Variants in GPR89A observed in about 807,000 individuals in gnomAD.
The protein encoded by GPR89A is golgi pH regulator A.
In GPR89A, 16 loss-of-function variants were observed where a neutral mutation model predicts 52.0. The observed-to-expected ratio is 0.31, with a 90% CI of 0.21 to 0.47. GPR89A has a LOEUF of 0.47. GPR89A is among the 20% of genes least tolerant of loss of function. The pLI is 1.00. For synonymous variants in GPR89A, 55 were observed against 150.9 expected (o/e 0.36, Z 4.66); for missense variants, 135 against 449.4 (o/e 0.30, Z 6.33).
chr1:145,659,659 T>C (rs1275245184), intron 10 of GPR89A, among the ~76,000 whole-genome samples: 1 of 135,742 alleles, frequency 7.4e-6, no homozygotes, highest in Non-Finnish European at 1.5e-5. Context: ...AGTACCATGC[T>C]GTTTTGGTTA....
chr1:145,616,186 T>C (rs782073617), intron 1 of GPR89A, 48 bp from the exon 2 acceptor site: 1 of 1,427,018 alleles, frequency 7.0e-7, no homozygotes, highest in South Asian at 1.2e-5. Flanking sequence ...TATAAAACAT[T>C]TCTCAAAAGA....
intron 7 of GPR89A, among the ~76,000 whole-genome samples, chr1:145,637,638 C>T (rs1553691071): frequency 6.7e-6 from 1 of 149,360 alleles, no homozygotes; most frequent in Non-Finnish European, 1.5e-5. Context: ...CCAATAGATA[C>T]TAACTCCAAG....
chr1:145,628,708 C>G, intron 5 of GPR89A, among the ~76,000 whole-genome samples: 1 of 152,266 alleles, frequency 6.6e-6, no homozygotes, highest in African/African-American at 2.4e-5. Context: ...GTGAATATTA[C>G]CTATTGCCAT....
chr1:145,610,050 C>T (rs116601412), intron 1 of GPR89A, among the ~76,000 whole-genome samples: 6,622 of 152,118 alleles, frequency 0.044, 497 homozygotes, highest in African/African-American at 0.15. Flanking sequence ...TGTTATCTGT[C>T]CATGAGGTCC....
intron 1 of GPR89A, among the ~76,000 whole-genome samples, chr1:145,611,028 A>G (rs1648232487): frequency 6.6e-6 from 1 of 152,140 alleles, no homozygotes; most frequent in Non-Finnish European, 1.5e-5. Flanking sequence ...CATTTTTAAT[A>G]AGAAGCTATA....
At chr1:145,614,800 A>T (rs1648546633) in intron 1 of GPR89A, among the ~76,000 whole-genome samples, 1 of 152,146 alleles carries the variant, frequency 6.6e-6, no homozygotes, top group East Asian at 1.9e-4. Flanking sequence ...CATAACTGGG[A>T]GAGGGCTAGA....
chr1:145,629,672 C>T (rs1371508398), intron 5 of GPR89A, among the ~76,000 whole-genome samples: 1 of 151,830 alleles, frequency 6.6e-6, no homozygotes, highest in Non-Finnish European at 1.5e-5. Context: ...ATTAGCGCTT[C>T]AGAAGGAAGA....
At chr1:145,612,839 C>T (rs1648397973) in intron 1 of GPR89A, among the ~76,000 whole-genome samples, 1 of 151,990 alleles carries the variant, frequency 6.6e-6, no homozygotes. Flanking sequence ...CTAATGTTTT[C>T]TTTTTTTCTC....
chr1:145,638,982 A>G (rs1172916427), intron 7 of GPR89A, among the ~76,000 whole-genome samples: 5 of 149,836 alleles, frequency 3.3e-5, no homozygotes, highest in Admixed American at 1.3e-4. Context: ...TTTTAAATCA[A>G]TTGTCTTTCT....
At chr1:145,622,168 A>G (rs587607941) in intron 3 of GPR89A, among the ~76,000 whole-genome samples, 2 of 152,168 alleles carry the variant, frequency 1.3e-5, no homozygotes, top group African/African-American at 4.8e-5. Context: ...AAACAACCCA[A>G]ATGTCCTCAA....
At chr1:145,616,551 A>T in intron 2 of GPR89A, among the ~76,000 whole-genome samples, 1 of 151,790 alleles carries the variant, frequency 6.6e-6, no homozygotes, top group Non-Finnish European at 1.5e-5. Context: ...AATAGCAAAT[A>T]GTTATTCTGT....
At chr1:145,615,838 T>C (rs1401307918) in intron 1 of GPR89A, among the ~76,000 whole-genome samples, 2 of 152,136 alleles carry the variant, frequency 1.3e-5, no homozygotes, top group Non-Finnish European at 2.9e-5. Flanking sequence ...CAGACTGGTC[T>C]TGAACTCCTG....
chr1:145,612,205 A>G (rs1253799008), intron 1 of GPR89A: 8 of 152,194 alleles, frequency 5.3e-5, no homozygotes, highest in Non-Finnish European at 2.9e-5. Context: ...CTCTTAGCAG[A>G]TAACCTTGCC....
intron 9 of GPR89A, chr1:145,646,886 TCTCAAAGC>T (rs1651031273): frequency 2.6e-6 from 1 of 381,716 alleles, no homozygotes; most frequent in Admixed American, 4.5e-5. Flanking sequence ...TTATCGAACC[TCTCAAAGC>T]CTCAATTTTC....
intron 11 of GPR89A, among the ~76,000 whole-genome samples, 167 bp from the exon 12 acceptor site, chr1:145,665,392 AGTT>A (rs1471595314): frequency 2.0e-5 from 3 of 152,110 alleles, no homozygotes; most frequent in Non-Finnish European, 1.5e-5. Context: ...GTCTTTCTGT[AGTT>A]GTTTTATTTG....
intron 5 of GPR89A, 40 bp downstream of exon 5, chr1:145,623,754 G>A (rs782079749): frequency 2.0e-5 from 32 of 1,597,460 alleles, no homozygotes; most frequent in African/African-American, 9.5e-5. Context: ...GGGGGGAGAC[G>A]ATTTGTTTAA....
intron 7 of GPR89A, among the ~76,000 whole-genome samples, chr1:145,639,495 C>T (rs1165876274): frequency 2.0e-5 from 3 of 151,802 alleles, no homozygotes; most frequent in African/African-American, 7.3e-5. Flanking sequence ...GTCTGTAATC[C>T]CAGCACTTTG....
rs2096317 is a variant in GPR89A, at chr1:145,670,530, C to G, written c.*490C>G. The stretch of plus-strand genomic sequence containing the variant: ...TTATTATGCTTGTGTGATCTAACAT[C>G]AGTTAGCATCCCACACCTCCTCATC... On this transcript the variant is annotated 3_prime_UTR_variant, in exon 14 of 14. Coordinates refer to ENST00000313835, the MANE Select transcript of GPR89A (RefSeq NM_001097612.2). The G allele has an allele frequency of 2.8e-5, 7 of 249,114 alleles. No homozygotes were observed. The highest frequency in any genetic ancestry group is 4.7e-5 in the Non-Finnish European group (6 of 128,068). The allele number at this position is 249,114 out of a possible 1,614,324, so 15.4% of individuals were successfully genotyped here. A position where few individuals can be genotyped will look rare whatever the true frequency, so the allele number is the denominator to read the frequency against.
intron 7 of GPR89A, among the ~76,000 whole-genome samples, chr1:145,643,259 A>C (rs1553692034): frequency 6.6e-6 from 1 of 151,404 alleles, no homozygotes; most frequent in Non-Finnish European, 1.5e-5. Flanking sequence ...TCTGCCTCCT[A>C]GGTTCAAGCG....
Sources: gnomAD v4.1 joint callset for allele counts (sites outside exome capture counted in the v4.1 genomes callset) on GRCh38, gnomAD v4.1.1 for gene constraint, MANE v1.5 for transcripts, NCBI Gene and HGNC (gene_info 2026-07-23, HGNC 2026-07-21) for gene names.